KCNH7: variants seen among roughly 807,000 people sequenced by gnomAD.
The protein encoded by KCNH7 is voltage-gated inwardly rectifying potassium channel KCNH7.
KCNH7 carries 49 observed loss-of-function variants against 120.8 expected under a neutral mutation model. The observed-to-expected ratio is 0.41, with a 90% CI of 0.32 to 0.51. The LOEUF is 0.51. Among genes scored for constraint, KCNH7 ranks in the 20% least tolerant of loss-of-function variants. The probability of loss-of-function intolerance (pLI) is 0.38; values close to 1 mark genes in which losing one functional copy is unlikely to be tolerated. For missense variants in KCNH7, 1,097 were observed against 1,446.6 expected, an observed-to-expected ratio of 0.76 and a Z score of 3.92; for synonymous variants, 547 against 516.1, an observed-to-expected ratio of 1.06 and a Z score of -0.81.
At chr2:162,436,013 T>G (rs1221941651) in intron 7 of KCNH7, among the ~76,000 whole-genome samples, 1 of 152,102 alleles carries the variant, frequency 6.6e-6, no homozygotes, top group African/African-American at 2.4e-5. Flanking sequence ...ACAGACAAAG[T>G]GTCTAATCTA....
intron 9 of KCNH7, among the ~76,000 whole-genome samples, chr2:162,414,288 T>C (rs1687477983): frequency 2.0e-5 from 3 of 152,030 alleles, no homozygotes; most frequent in African/African-American, 4.8e-5. Context: ...TATAAAAGTA[T>C]AAGTAAGGGA....
chr2:162,768,932 G>C (rs1385574464), intron 2 of KCNH7: 1 of 152,204 alleles, frequency 6.6e-6, no homozygotes, highest in African/African-American at 2.4e-5. Context: ...TCTTTTGTTT[G>C]TACATATTCA....
At chr2:162,725,184 G>C (rs745763380) in intron 2 of KCNH7, among the ~76,000 whole-genome samples, 1 of 152,048 alleles carries the variant, frequency 6.6e-6, no homozygotes, top group Non-Finnish European at 1.5e-5. Flanking sequence ...TTTGTTATTC[G>C]TAATACTCAT....
chr2:162,772,466 A>G (rs1385102399), intron 2 of KCNH7, among the ~76,000 whole-genome samples: 4 of 152,196 alleles, frequency 2.6e-5, no homozygotes, highest in African/African-American at 9.6e-5. Context: ...ATAACTCTGT[A>G]AGTTAAACAT....
At chr2:162,589,224 C>T (rs1293409869) in intron 2 of KCNH7, among the ~76,000 whole-genome samples, 2 of 152,082 alleles carry the variant, frequency 1.3e-5, no homozygotes, top group Admixed American at 6.6e-5. Context: ...GGCCATAAAC[C>T]GTGTGAATCG....
At chr2:162,752,953 G>GAAAA (rs1439057435) in intron 2 of KCNH7, among the ~76,000 whole-genome samples, 4 of 106,926 alleles carry the variant, frequency 3.7e-5, no homozygotes, top group South Asian at 2.7e-4. Context: ...GAAAAGAAAA[G>GAAAA]AAAAGAAAAG....
chr2:162,717,032 A>G lies in KCNH7; in HGVS notation c.307+119505T>C, dbSNP rs534935430. Among the ~76,000 whole-genome samples the G allele has an allele frequency of 9.2e-5, 14 of 152,194 alleles. No homozygotes were observed. In the South Asian group the frequency reaches 2.9e-3, roughly 32 times the overall value. ...GCTTTAAAGAAAGGCAGCTAAACCTAAATGTAAATAAATGGCAGCTGTTGC... is the reference window on the plus strand; with the variant it reads ...GCTTTAAAGAAAGGCAGCTAAACCTGAATGTAAATAAATGGCAGCTGTTGC... On this transcript the variant is annotated intron_variant, in intron 2 of 15. Transcript: ENST00000332142.
intron 2 of KCNH7, among the ~76,000 whole-genome samples, chr2:162,579,026 C>A (rs1265232416): frequency 6.6e-6 from 1 of 151,630 alleles, no homozygotes; most frequent in African/African-American, 2.4e-5. Flanking sequence ...ATAAAATAAT[C>A]CTATGTGTTA....
chr2:162,535,020 T>TA (rs2105821789), intron 3 of KCNH7, among the ~76,000 whole-genome samples: 1 of 151,842 alleles, frequency 6.6e-6, no homozygotes, highest in Admixed American at 6.6e-5. Context: ...CCACAGAGGC[T>TA]AAAAAAGGCA....
intron 2 of KCNH7, among the ~76,000 whole-genome samples, chr2:162,648,677 C>T (rs1207019298): frequency 6.6e-6 from 1 of 152,152 alleles, no homozygotes; most frequent in African/African-American, 2.4e-5. Context: ...CAAACTGTGG[C>T]CCAGAGCCAA....
chr2:162,630,479 A>G (rs1683726362), intron 2 of KCNH7, among the ~76,000 whole-genome samples: 1 of 152,022 alleles, frequency 6.6e-6, no homozygotes, highest in Non-Finnish European at 1.5e-5. Context: ...AAAAAAAGAC[A>G]TGGAAAAAAA....
Position 162,838,670 on chromosome 2 carries a change from T to A in KCNH7, c.-152A>T. On this transcript the variant is annotated 5_prime_UTR_variant, in exon 1 of 16. Transcript: ENST00000332142. The stretch of plus-strand genomic sequence containing the variant: ...GAATTCTCTTCCCATTAGCACCACT[T>A]CTAGACACCCGCTTTCCCCACCGGA... 1.7e-6 allele frequency: 1 copy of A among 579,730 alleles called. No homozygotes were observed. The highest frequency in any genetic ancestry group is 3.0e-6 in the Non-Finnish European group (1 of 329,876). 35.9% of individuals were successfully genotyped at this position (579,730 alleles called of 1,614,324 possible).
At position 162,447,884 on chromosome 2, in the gene KCNH7, C is replaced by T. The variant is rs553203140; in HGVS notation, c.1129-1441G>A. ...GACACAATATAACTTTTAAATATAACAAAAGATTCAGCTAAAATAGGCAAA... is the reference window on the plus strand; with the variant it reads ...GACACAATATAACTTTTAAATATAATAAAAGATTCAGCTAAAATAGGCAAA... On this transcript the variant is annotated intron_variant, in intron 6 of 15. Transcript: ENST00000332142. Among the ~76,000 whole-genome samples the T allele has an allele frequency of 9.2e-5, 14 of 152,024 alleles. No homozygotes were observed. In the East Asian group the frequency reaches 2.7e-3, roughly 29 times the overall value.
intron 3 of KCNH7, among the ~76,000 whole-genome samples, chr2:162,528,862 ATAGT>A (rs1691810044): frequency 6.6e-6 from 1 of 151,962 alleles, no homozygotes; most frequent in Non-Finnish European, 1.5e-5. Context: ...TATGAGAGAG[ATAGT>A]TAAGAGATGT....
chr2:162,498,578 G>A (rs1302043385), intron 6 of KCNH7, among the ~76,000 whole-genome samples: 1 of 151,874 alleles, frequency 6.6e-6, no homozygotes, highest in Non-Finnish European at 1.5e-5. Context: ...GGCCACTGCT[G>A]TTTGATTCTC....
rs1349204361 is a variant in KCNH7, at chr2:162,590,101, G to A, written c.308-53021C>T. The stretch of plus-strand genomic sequence containing the variant: ...AGTGAGTAACTCTGGGTGCAAGTCG[G>A]GGGCAGAAGAGGGAAAGGATATATA... On this transcript the variant is annotated intron_variant, in intron 2 of 15. Transcript: ENST00000332142. Among the ~76,000 whole-genome samples the A allele has an allele frequency of 2.0e-5, 3 of 152,182 alleles. No individual in the cohort carries two copies. The East Asian group carries it at 5.8e-4, about 30-fold the overall frequency.
chr2:162,828,785 C>A (rs917983855), intron 2 of KCNH7, among the ~76,000 whole-genome samples: 3 of 152,082 alleles, frequency 2.0e-5, no homozygotes, highest in African/African-American at 7.2e-5. Flanking sequence ...AATGAGCCAA[C>A]TAAAGGCAGA....
chr2:162,776,927 A>G lies in KCNH7; in HGVS notation c.307+59610T>C, dbSNP rs150354783. Reference sequence around the variant, plus strand: ...GTTCTTAGACTATAAGAAGTTTCATATATAAGCCCTCTAACAACTTTTAGT... The same window carrying G: ...GTTCTTAGACTATAAGAAGTTTCATGTATAAGCCCTCTAACAACTTTTAGT... On this transcript the variant is annotated intron_variant, in intron 2 of 15. Transcript: ENST00000332142. Among the ~76,000 whole-genome samples, 422 of 152,184 alleles carry G rather than the reference A, an allele frequency of 2.8e-3. 1 individual carries two copies. Among genetic ancestry groups the G allele is most frequent in the African/African-American group, 9.6e-3 (399 of 41,532 alleles).
intron 2 of KCNH7, among the ~76,000 whole-genome samples, chr2:162,578,721 A>G (rs1402761140): frequency 6.6e-6 from 1 of 152,086 alleles, no homozygotes; most frequent in African/African-American, 2.4e-5. Flanking sequence ...AGTTTTGGGT[A>G]TATCCATTTA....
Sources: allele counts gnomAD v4.1 joint callset (sites outside exome capture counted in the v4.1 genomes callset), GRCh38; gene constraint gnomAD v4.1.1; transcripts MANE v1.5; gene names NCBI Gene and HGNC (gene_info 2026-07-23, HGNC 2026-07-21).